Variants in MARCHF5 observed in about 807,000 individuals in gnomAD.
The protein encoded by MARCHF5 is E3 ubiquitin-protein ligase MARCHF5.
A neutral mutation model predicts 36.5 loss-of-function variants in MARCHF5; 5 were observed. The ratio of observed to expected loss-of-function variants is 0.14; its 90% CI spans 0.07 to 0.29. MARCHF5 has a LOEUF of 0.29. MARCHF5 is among the 10% of genes least tolerant of loss of function. The pLI is 1.00. For synonymous variants in MARCHF5, 103 were observed against 109.9 expected (o/e 0.94, Z 0.39); for missense variants, 179 against 336.3 (o/e 0.53, Z 3.66).
chr10:92,310,897 AC>A (rs778342999), intron 1 of MARCHF5, among the ~76,000 whole-genome samples: 17 of 152,372 alleles, frequency 1.1e-4, no homozygotes, highest in Non-Finnish European at 2.1e-4. Flanking sequence ...AGAGGAGATT[AC>A]ATAAAAACAA....
At chr10:92,312,901 A>G (rs1490320755) in intron 2 of MARCHF5, among the ~76,000 whole-genome samples, 2 of 152,236 alleles carry the variant, frequency 1.3e-5, no homozygotes, top group East Asian at 1.9e-4. Context: ...GGTTTAGTGC[A>G]GTAATTGAAT....
chr10:92,310,985 T>G (rs2798254), intron 1 of MARCHF5, 150 bp from the exon 2 acceptor site: 1 of 601,472 alleles, frequency 1.7e-6, no homozygotes, highest in Admixed American at 3.1e-5. Context: ...TGGGAATGTA[T>G]TGGTTGTTTT....
chr10:92,292,075 CAAGGGAGATTT>C (rs1263861219), intron 1 of MARCHF5, among the ~76,000 whole-genome samples: 2 of 146,558 alleles, frequency 1.4e-5, no homozygotes, highest in African/African-American at 5.0e-5. Context: ...AGAGTATCCG[CAAGGGAGATTT>C]AACGGTCAGA....
intron 1 of MARCHF5, among the ~76,000 whole-genome samples, chr10:92,299,405 A>G (rs1842986398): frequency 6.6e-6 from 1 of 151,252 alleles, no homozygotes; most frequent in African/African-American, 2.4e-5. Context: ...CCTTTCCTGC[A>G]CTCCCCTTCA....
intron 2 of MARCHF5, among the ~76,000 whole-genome samples, chr10:92,314,745 C>CCA (rs1843187795): frequency 1.4e-4 from 1 of 6,972 alleles, no homozygotes; most frequent in Admixed American, 1.5e-3. Flanking sequence ...GCTGCTTCCC[C>CCA]CCGCCCCCCC....
At chr10:92,332,515 C>CTTTTTTTT (rs34226671) in intron 2 of MARCHF5, among the ~76,000 whole-genome samples, 2 of 95,936 alleles carry the variant, frequency 2.1e-5, no homozygotes, top group Non-Finnish European at 3.9e-5. Flanking sequence ...ATTCCCCATC[C>CTTTTTTTT]TTTTTTTTTT....
At chr10:92,299,803 G>A (rs889365548) in intron 1 of MARCHF5, among the ~76,000 whole-genome samples, 4 of 152,004 alleles carry the variant, frequency 2.6e-5, no homozygotes, top group African/African-American at 9.7e-5. Context: ...CATTCTTTGT[G>A]ACATATCAGT....
chr10:92,321,922 T>C (rs1478503372), intron 2 of MARCHF5, among the ~76,000 whole-genome samples: 9 of 152,130 alleles, frequency 5.9e-5, no homozygotes, highest in South Asian at 2.1e-4. Context: ...TTGAATCTTC[T>C]CTTTTTTTCT....
At chr10:92,345,686 T>C (rs1412874967) in intron 3 of MARCHF5, among the ~76,000 whole-genome samples, 1 of 139,164 alleles carries the variant, frequency 7.2e-6, no homozygotes, top group Non-Finnish European at 1.5e-5. Flanking sequence ...GTTTTTCTCT[T>C]TTTTTTTTTT....
intron 3 of MARCHF5, among the ~76,000 whole-genome samples, chr10:92,344,734 T>C (rs946327955): frequency 6.6e-6 from 1 of 152,240 alleles, no homozygotes; most frequent in Non-Finnish European, 1.5e-5. Context: ...CCCATTTATT[T>C]TCTTTCCTTC....
chr10:92,345,689 T>C (rs549729111), intron 3 of MARCHF5, among the ~76,000 whole-genome samples: 3 of 128,842 alleles, frequency 2.3e-5, no homozygotes, highest in Non-Finnish European at 5.3e-5. Context: ...TTTCTCTTTT[T>C]TTTTTTTCTT....
intron 2 of MARCHF5, among the ~76,000 whole-genome samples, chr10:92,336,117 C>T (rs1843499451): frequency 3.3e-5 from 5 of 152,182 alleles, no homozygotes; most frequent in South Asian, 4.1e-4. Flanking sequence ...CTCACTGCAA[C>T]CTCTGCCTCC....
At chr10:92,324,492 G>A (rs4933721) in intron 2 of MARCHF5, among the ~76,000 whole-genome samples, 25,158 of 152,118 alleles carry the variant, frequency 0.17, 2,572 homozygotes, top group East Asian at 0.39. Context: ...CCCCCGAATA[G>A]CTGGGACTAC....
intron 5 of MARCHF5, 162 bp downstream of exon 5, chr10:92,349,999 AGAG>A: frequency 1.6e-6 from 1 of 614,330 alleles, no homozygotes; most frequent in South Asian, 2.1e-5. Context: ...GGAAATAAAA[AGAG>A]GAGAAACCAC....
At chr10:92,329,265 T>C (rs1843408573) in intron 2 of MARCHF5, among the ~76,000 whole-genome samples, 1 of 152,186 alleles carries the variant, frequency 6.6e-6, no homozygotes, top group South Asian at 2.1e-4. Context: ...GCTTTGCCAG[T>C]AGGATGTGTT....
intron 2 of MARCHF5, chr10:92,334,454 A>G (rs1002958219): frequency 2.0e-5 from 3 of 152,440 alleles, no homozygotes; most frequent in African/African-American, 4.8e-5. Flanking sequence ...GTATAGAATT[A>G]TGTTTCTCTG....
intron 1 of MARCHF5, among the ~76,000 whole-genome samples, chr10:92,301,202 T>C (rs1843007569): frequency 6.6e-6 from 1 of 152,140 alleles, no homozygotes; most frequent in Non-Finnish European, 1.5e-5. Flanking sequence ...CCTAATTCTT[T>C]ACATGCCGTA....
At chr10:92,349,936 C>A in intron 5 of MARCHF5, 99 bp downstream of exon 5, 1 of 937,810 alleles carries the variant, frequency 1.1e-6, no homozygotes, top group Admixed American at 2.5e-5. Flanking sequence ...CGGTCTGTGG[C>A]TCCTATGCAT....
chr10:92,352,933 ATACAT>A lies in MARCHF5; in HGVS notation c.*1729_*1733del, dbSNP rs1843735469. 1 of 152,632 alleles carries A rather than the reference ATACAT, an allele frequency of 6.6e-6. No homozygotes were observed. Among genetic ancestry groups the A allele is most frequent in the Non-Finnish European group, 1.5e-5 (1 of 68,038 alleles). 9.5% of individuals were successfully genotyped at this position (152,632 alleles called of 1,614,324 possible). ...TTGGCTTTTGTTTTCAATGTGAAAGATACATTAAATGGACACATATCTTGCAAAAT... is the reference window on the plus strand; with the variant it reads ...TTGGCTTTTGTTTTCAATGTGAAAGATAAATGGACACATATCTTGCAAAAT... On this transcript the variant is annotated 3_prime_UTR_variant, in exon 6 of 6. Transcript: ENST00000358935.
Sources: allele counts gnomAD v4.1 joint callset (sites outside exome capture counted in the v4.1 genomes callset), GRCh38; gene constraint gnomAD v4.1.1; transcripts MANE v1.5; gene names NCBI Gene and HGNC (gene_info 2026-07-23, HGNC 2026-07-21).